Variants in PPP1R15B observed in about 807,000 individuals in gnomAD.
PPP1R15B encodes the protein protein phosphatase 1, regulatory (inhibitor) subunit 15B.
In PPP1R15B, 31 loss-of-function variants were observed where a neutral mutation model predicts 53.9. That is an observed-to-expected ratio of 0.58 (90% CI 0.43 to 0.78). The LOEUF (loss-of-function observed/expected upper bound fraction) is 0.78, where lower values mean the gene tolerates loss of function less well. Ranked by LOEUF, PPP1R15B falls within the 30% of genes least tolerant of loss-of-function variation. PPP1R15B has a pLI of 0.00. For synonymous variants in PPP1R15B, 345 were observed against 329.1 expected, an observed-to-expected ratio of 1.05 and a Z score of -0.52; for missense variants, 928 against 849.6, an observed-to-expected ratio of 1.09 and a Z score of -1.15.
chr1:204,400,063 T>G (rs1186336021), downstream of PPP1R15B, among the ~76,000 whole-genome samples: 1 of 151,820 alleles, frequency 6.6e-6, no homozygotes, highest in Non-Finnish European at 1.5e-5. Flanking sequence ...CCGGGCAACA[T>G]AGTGAGACCC....
rs1674246956 is a variant in PPP1R15B at position 204,405,380 on chromosome 1, A to C, written c.*712T>G. ...AAGAAATTAAATATATTAGATGTTA[A>C]AATGTGGTAGAAAGATGCAGCTTTC... On this transcript the variant is annotated 3_prime_UTR_variant, in exon 2 of 2. Transcript: ENST00000367188. The C allele has an allele frequency of 1.0e-6, 1 of 985,066 alleles. No individual in the cohort carries two copies. Among genetic ancestry groups the C allele is most frequent in the South Asian group, 4.7e-5 (1 of 21,288 alleles). The allele number at this position is 985,066 out of a possible 1,614,324, so 61.0% of individuals were successfully genotyped here.
chr1:204,409,604 G>A lies in PPP1R15B; in HGVS notation c.1808C>T (p.Thr603Ile), dbSNP rs1440020913. ...ESIVAISECH[T>I]LLSCKVQLLG... ...CAGCTGCACCTTACAAGAAAGTAAG[G>A]TGTGACACTCAGAAATGGCCACAAT... Residue 603 changes from threonine (T) to isoleucine (I), a missense_variant, in exon 1 of 2, where the codon ACC becomes ATC. By Grantham distance (89) the Thr-to-Ile change is moderately conservative. Transcript: ENST00000367188. The A allele has an allele frequency of 2.4e-5, 39 of 1,614,140 alleles. No homozygotes were observed. Among genetic ancestry groups the A allele is most frequent in the Non-Finnish European group, 3.2e-5 (38 of 1,180,028 alleles).
rs1674365072 is a variant in PPP1R15B at position 204,411,058 on chromosome 1, G to T, written c.354C>A (p.Pro118=). Residue 118 remains proline (P), a synonymous_variant, in exon 1 of 2, where the codon CCC becomes CCA. Coordinates refer to ENST00000367188, the MANE Select transcript of PPP1R15B (RefSeq NM_032833.5). ...GCGAACTCAAAGATTTCTGCGCTGT[G>T]GGGGCGGCTGGTTTCTCCCGTCCCT... ...ALKGREKPAA[P]TAQKSLSSLQ... 2 of 1,614,200 alleles carry T rather than the reference G, an allele frequency of 1.2e-6. No individual in the cohort carries two copies. The highest frequency in any genetic ancestry group is 1.7e-6 in the Non-Finnish European group (2 of 1,180,028).
Position 204,406,613 on chromosome 1 carries a change from G to A in PPP1R15B, c.1921-300C>T, listed in dbSNP as rs1222665823. 3.9e-5 allele frequency among the ~76,000 whole-genome samples: 6 copies of A among 152,052 alleles called. No individual in the cohort carries two copies. The South Asian group carries it at 6.2e-4, about 16-fold the overall frequency. On this transcript the variant is annotated intron_variant, in intron 1 of 1. Coordinates refer to ENST00000367188, the MANE Select transcript of PPP1R15B (RefSeq NM_032833.5). ...AAAAATACGAAAAAATTAGCCAGGC[G>A]TGGTGGCACATGCCTGTAATCCCAG...
chr1:204,408,021 C>T (rs548882731), intron 1 of PPP1R15B, among the ~76,000 whole-genome samples: 2 of 152,174 alleles, frequency 1.3e-5, no homozygotes, highest in Non-Finnish European at 2.9e-5. Flanking sequence ...ATGAGACTGG[C>T]CTGAGGTCTC....
Position 204,410,910 on chromosome 1 carries a change from C to T in PPP1R15B, c.502G>A (p.Asp168Asn). 1 of 1,614,040 alleles carries T rather than the reference C, an allele frequency of 6.2e-7. No individual in the cohort carries two copies. The highest frequency in any genetic ancestry group is 1.7e-5 in the Admixed American group (1 of 60,000). The change falls in exon 1 of 2, where the codon GAC (aspartate) becomes AAC (asparagine). Residue 168 changes from aspartate to asparagine, a missense_variant. Transcript: ENST00000367188. ...AAGAGAAAAGCCTGTGCTGCAGGGT[C>T]CAAAGCACTTCCCTTGGCCTTAAGC... ...LELKAKGSAL[D>N]PAAQAFLLEQ...
rs1674221361 is a variant in PPP1R15B at position 204,404,047 on chromosome 1, G to A, written c.*2045C>T. ...CAACGTTAAGTCTCGGAAATAAAAT[G>A]TTTCAGCCTGGTTTTAAAAGAATGC... On this transcript the variant is annotated 3_prime_UTR_variant, in exon 2 of 2. Coordinates refer to ENST00000367188, the MANE Select transcript of PPP1R15B (RefSeq NM_032833.5). 3 of 985,292 alleles carry A rather than the reference G, an allele frequency of 3.0e-6. No individual in the cohort carries two copies. Among genetic ancestry groups the A allele is most frequent in the Admixed American group, 6.1e-5 (1 of 16,262 alleles). The allele number at this position is 985,292 out of a possible 1,614,324, so 61.0% of individuals were successfully genotyped here.
intron 1 of PPP1R15B, 131 bp downstream of exon 1, chr1:204,409,361 T>A: frequency 1.0e-6 from 1 of 988,518 alleles, no homozygotes; most frequent in South Asian, 1.7e-5. Context: ...TATTTCTCAA[T>A]CCAAGTATAT....
rs772543913 is a variant in PPP1R15B, at chr1:204,410,870, C to A, written c.542G>T (p.Trp181Leu). 7 of 1,614,180 alleles carry A rather than the reference C, an allele frequency of 4.3e-6. No individual in the cohort carries two copies. The highest frequency in any genetic ancestry group is 5.9e-6 in the Non-Finnish European group (7 of 1,180,016). ...GCTACTGGGCAACAGCTCCACTCCC[C>A]ACAGCTGCTGCTCTAAGAGAAAAGC... ...AQAFLLEQQL[W>L]GVELLPSSLQ... Residue 181 changes from tryptophan (W) to leucine (L), a missense_variant, in exon 1 of 2, where the codon TGG becomes TTG. Coordinates refer to ENST00000367188, the MANE Select transcript of PPP1R15B (RefSeq NM_032833.5).
downstream of PPP1R15B, among the ~76,000 whole-genome samples, chr1:204,401,135 G>A (rs1572250788): frequency 6.6e-6 from 1 of 152,182 alleles, no homozygotes; most frequent in Non-Finnish European, 1.5e-5. Context: ...TGCCTTCTCC[G>A]TTCCATGTGT....
rs747846588 is a variant in PPP1R15B at position 204,411,299 on chromosome 1, G to T, written c.113C>A (p.Thr38Lys). 5.0e-6 allele frequency: 8 copies of T among 1,614,224 alleles called. No individual in the cohort carries two copies. In the East Asian group the frequency reaches 6.7e-5, roughly 13 times the overall value. The change falls in exon 1 of 2, where the codon ACG becomes AAG. Residue 38 changes from threonine (T) to lysine (K), a missense_variant. Physicochemically the swap from Thr to Lys is moderately conservative, Grantham distance 78. Coordinates refer to ENST00000367188, the MANE Select transcript of PPP1R15B (RefSeq NM_032833.5). ...CCCGGAGTTTTCCGGGCCAAGAGGC[G>T]TCGGGAACTTAGAAGAGCCTGCTTG... ...RSQAGSSKFP[T>K]PLGPENSGNP...
chr1:204,409,934 G>A lies in PPP1R15B; in HGVS notation c.1478C>T (p.Thr493Ile). The change falls in exon 1 of 2, where the codon ACA (threonine) becomes ATA (isoleucine). Residue 493 changes from threonine (T) to isoleucine (I), a missense_variant. Thr to Ile is a moderately conservative substitution (Grantham distance 89). Transcript: ENST00000367188. The part of the protein sequence containing the change: ...SVDPYNPQNF[T>I]ATIQTAARIV... ...TCTGGCAGCAGTCTGAATTGTTGCT[G>A]TAAAGTTCTGGGGATTATAAGGATC... 1.3e-6 allele frequency: 2 copies of A among 1,574,438 alleles called. No homozygotes were observed. Among genetic ancestry groups the A allele is most frequent in the Non-Finnish European group, 1.7e-6 (2 of 1,160,352 alleles).
Position 204,410,548 on chromosome 1 carries a change from T to A in PPP1R15B, c.864A>T (p.Glu288Asp), listed in dbSNP as rs765829903. ...GAAGATGGTGAATTTCTGGTAGGCC[T>A]TCCGTAGAAAGAGGTGGACATCCCT... ...SWQGCPPLST[E>D]GLPEIHHLRM... Residue 288 changes from glutamate (E) to aspartate (D), a missense_variant, in exon 1 of 2, where the codon GAA (glutamate) becomes GAT (aspartate). By Grantham distance (45) the Glu-to-Asp change is conservative (BLOSUM62 2). Coordinates refer to ENST00000367188, the MANE Select transcript of PPP1R15B (RefSeq NM_032833.5). 6.2e-7 allele frequency: 1 copy of A among 1,614,144 alleles called. No individual in the cohort carries two copies. Among genetic ancestry groups the A allele is most frequent in the South Asian group, 1.1e-5 (1 of 91,072 alleles).
At chr1:204,397,211 TAATAA>T (rs560020368), downstream of PPP1R15B, among the ~76,000 whole-genome samples, 5 of 150,610 alleles carry the variant, frequency 3.3e-5, no homozygotes, top group Non-Finnish European at 5.9e-5. Context: ...CATAAATAAA[TAATAA>T]AATAAAATAA....
At position 204,404,986 on chromosome 1, in the gene PPP1R15B, T is replaced by G; in HGVS notation, c.*1106A>C. 1 of 985,026 alleles carries G rather than the reference T, an allele frequency of 1.0e-6. No individual in the cohort carries two copies. Among genetic ancestry groups the G allele is most frequent in the Non-Finnish European group, 1.2e-6 (1 of 829,166 alleles). 61.0% of individuals were successfully genotyped at this position (985,026 alleles called of 1,614,324 possible). On this transcript the variant is annotated 3_prime_UTR_variant, in exon 2 of 2. Coordinates refer to ENST00000367188, the MANE Select transcript of PPP1R15B (RefSeq NM_032833.5). Reference sequence around the variant, plus strand: ...GCCTTGCCATTACTTCTCTCATTATTAAATAGTAGGACACAATAAACCTGG... The same window carrying G: ...GCCTTGCCATTACTTCTCTCATTATGAAATAGTAGGACACAATAAACCTGG...
Position 204,410,318 on chromosome 1 carries a change from A to G in PPP1R15B, c.1094T>C (p.Ile365Thr), listed in dbSNP as rs1395471938. ...TGGAACCTCTGTAGTTAATAATTCT[A>G]TTTTTTCTTCAGTGGATTCCTGGGT... ...GNTQESTEEK[I>T]ELLTTEVPLA... Residue 365 changes from isoleucine to threonine, a missense_variant, in exon 1 of 2, where the codon ATA (isoleucine) becomes ACA (threonine). By Grantham distance (89) the Ile-to-Thr change is moderately conservative. Coordinates refer to ENST00000367188, the MANE Select transcript of PPP1R15B (RefSeq NM_032833.5). The G allele has an allele frequency of 3.1e-6, 5 of 1,613,960 alleles. No homozygotes were observed. The highest frequency in any genetic ancestry group is 1.1e-5 in the South Asian group (1 of 91,074).
intron 1 of PPP1R15B, among the ~76,000 whole-genome samples, chr1:204,407,902 A>G (rs1295250861): frequency 6.6e-6 from 1 of 152,208 alleles, no homozygotes; most frequent in Non-Finnish European, 1.5e-5. Context: ...TCAAATAATT[A>G]TATCATATTC....
downstream of PPP1R15B, among the ~76,000 whole-genome samples, chr1:204,396,552 CAAA>C (rs5780236): frequency 4.6e-5 from 6 of 131,038 alleles, no homozygotes; most frequent in South Asian, 2.5e-4. Context: ...CCCTGTCTGT[CAAA>C]AAAAAAAAAA....
At position 204,406,271 on chromosome 1, in the gene PPP1R15B, C is replaced by G. The variant is rs561196427; in HGVS notation, c.1963G>C (p.Asp655His). 5.0e-6 allele frequency: 8 copies of G among 1,614,082 alleles called. No homozygotes were observed. In the South Asian group the frequency reaches 8.8e-5, roughly 18 times the overall value. The change falls in exon 2 of 2, where the codon GAT becomes CAT. Residue 655 changes from aspartate (D) to histidine (H), a missense_variant. Physicochemically the swap from Asp to His is moderately conservative, Grantham distance 81 (BLOSUM62 -1). Coordinates refer to ENST00000367188, the MANE Select transcript of PPP1R15B (RefSeq NM_032833.5). ...TCCCATGGTCCTTTGCGATCCTCAT[C>G]ACCACTTATATAATACTCAGTAACT... Reference protein sequence around the residue: ...EEVTEYYISGDEDRKGPWEEF... With the variant: ...EEVTEYYISGHEDRKGPWEEF...
Sources: gnomAD v4.1 joint callset for allele counts (sites outside exome capture counted in the v4.1 genomes callset) on GRCh38, gnomAD v4.1.1 for gene constraint, MANE v1.5 for transcripts, NCBI Gene and HGNC (gene_info 2026-07-23, HGNC 2026-07-21) for gene names.